The following TMEM117 variants were observed in gnomAD, a reference collection of about 807,000 sequenced individuals.
TMEM117 encodes the protein transmembrane protein 117.
TMEM117 carries 27 observed loss-of-function variants against 52.4 expected under a neutral mutation model. The ratio of observed to expected loss-of-function variants is 0.51; its 90% CI spans 0.38 to 0.71. The LOEUF is 0.71. Among genes scored for constraint, TMEM117 ranks in the 30% least tolerant of loss-of-function variants. The probability of loss-of-function intolerance (pLI) is 0.00; values close to 1 mark genes in which losing one functional copy is unlikely to be tolerated. For missense variants in TMEM117, 556 were observed against 630.5 expected (o/e 0.88, Z 1.26); for synonymous variants, 215 against 206.3 (o/e 1.04, Z -0.36).
chr12:43,920,272 T>TC (rs1158354630), intron 2 of TMEM117, among the ~76,000 whole-genome samples: 1 of 152,162 alleles, frequency 6.6e-6, no homozygotes, highest in Non-Finnish European at 1.5e-5. Context: ...ACGCCTATAA[T>TC]CCCAGCACTT....
chr12:44,135,526 A>G (rs1243275976), intron 3 of TMEM117, among the ~76,000 whole-genome samples: 1 of 152,202 alleles, frequency 6.6e-6, no homozygotes, highest in Non-Finnish European at 1.5e-5. Flanking sequence ...GGAGCCTAAA[A>G]TTGTTTCAAC....
chr12:44,382,729 G>A (rs1035942068), intron 7 of TMEM117, among the ~76,000 whole-genome samples: 4 of 152,212 alleles, frequency 2.6e-5, no homozygotes, highest in Admixed American at 2.6e-4. Flanking sequence ...GACAAGAGAG[G>A]CACTTTGAGA....
intron 3 of TMEM117, among the ~76,000 whole-genome samples, chr12:44,131,013 T>C (rs1238226592): frequency 6.6e-6 from 1 of 152,166 alleles, no homozygotes; most frequent in Non-Finnish European, 1.5e-5. Context: ...TCTTTACTGC[T>C]TATTTAATTG....
At chr12:44,295,277 C>T (rs1950753781) in intron 5 of TMEM117, among the ~76,000 whole-genome samples, 1 of 152,148 alleles carries the variant, frequency 6.6e-6, no homozygotes, top group African/African-American at 2.4e-5. Flanking sequence ...GATCTTGGCT[C>T]ACTGCAACCT....
intron 3 of TMEM117, among the ~76,000 whole-genome samples, chr12:44,000,692 C>A (rs954286620): frequency 6.6e-6 from 1 of 152,150 alleles, no homozygotes; most frequent in Non-Finnish European, 1.5e-5. Context: ...TAAGAGTGTT[C>A]AGAGAAAATT....
At chr12:44,101,870 A>G (rs1947866584) in intron 3 of TMEM117, among the ~76,000 whole-genome samples, 1 of 152,010 alleles carries the variant, frequency 6.6e-6, no homozygotes, top group African/African-American at 2.4e-5. Context: ...TTTTTGATAC[A>G]GCAAGGGTAA....
chr12:43,993,841 T>C (rs1230720026), intron 3 of TMEM117, among the ~76,000 whole-genome samples: 1 of 152,074 alleles, frequency 6.6e-6, no homozygotes, highest in Non-Finnish European at 1.5e-5. Context: ...ACTACAGGCA[T>C]GTGCCACCCT....
chr12:44,084,919 C>T (rs1181148678), intron 3 of TMEM117, among the ~76,000 whole-genome samples: 1 of 152,144 alleles, frequency 6.6e-6, no homozygotes, highest in Non-Finnish European at 1.5e-5. Context: ...GAGAGGACTT[C>T]CCTGAAACGC....
At position 44,034,362 on chromosome 12, in the gene TMEM117, G is replaced by A. The variant is rs888597757; in HGVS notation, c.410+90020G>A. 5.3e-5 allele frequency among the ~76,000 whole-genome samples: 8 copies of A among 152,284 alleles called. 1 individual carries two copies. In the South Asian group the frequency reaches 1.2e-3, roughly 24 times the overall value. Reference sequence around the variant, plus strand: ...TCTATCCTCGGGTTCTTATGGCCTCGTAGGGAAATCAGTAACATTTATCTT... The same window carrying A: ...TCTATCCTCGGGTTCTTATGGCCTCATAGGGAAATCAGTAACATTTATCTT... On this transcript the variant is annotated intron_variant, in intron 3 of 7. Coordinates refer to ENST00000266534, the MANE Select transcript of TMEM117 (RefSeq NM_032256.3).
intron 2 of TMEM117, among the ~76,000 whole-genome samples, chr12:43,865,504 C>G (rs1943576210): frequency 6.6e-6 from 1 of 151,982 alleles, no homozygotes; most frequent in South Asian, 2.1e-4. Context: ...TGAGACCAGC[C>G]TGGCCAGCAT....
chr12:43,826,737 G>A, the TMEM117 span, among the ~76,000 whole-genome samples: 1 of 152,148 alleles, frequency 6.6e-6, no homozygotes, highest in South Asian at 2.1e-4. Flanking sequence ...GTGTAAGAGA[G>A]GAGTAAGAGA....
intron 4 of TMEM117, among the ~76,000 whole-genome samples, chr12:44,172,183 CT>C (rs1290334688): frequency 1.3e-5 from 2 of 152,154 alleles, no homozygotes; most frequent in African/African-American, 4.8e-5. Flanking sequence ...CTGTTATTTA[CT>C]GTCTATATTA....
chr12:44,071,705 C>T (rs569958912), intron 3 of TMEM117, among the ~76,000 whole-genome samples: 184 of 152,092 alleles, frequency 1.2e-3, no homozygotes, highest in African/African-American at 4.3e-3. Context: ...AAATGAGGAG[C>T]GGTGATGAAA....
chr12:44,335,878 CACTA>C, intron 6 of TMEM117, among the ~76,000 whole-genome samples: 1 of 152,070 alleles, frequency 6.6e-6, no homozygotes, highest in East Asian at 1.9e-4. Context: ...CAATTCTTGC[CACTA>C]AAACTACATA....
At chr12:43,938,999 CAAAATAAAAAAA>C (rs1945000003) in intron 2 of TMEM117, among the ~76,000 whole-genome samples, 1 of 124,294 alleles carries the variant, frequency 8.0e-6, no homozygotes, top group Non-Finnish European at 1.6e-5. Context: ...GACTCCGTCT[CAAAATAAAAAAA>C]AAAATAAAAA....
intron 3 of TMEM117, among the ~76,000 whole-genome samples, chr12:44,091,806 G>T (rs1456702069): frequency 6.6e-6 from 1 of 152,168 alleles, no homozygotes; most frequent in Non-Finnish European, 1.5e-5. Flanking sequence ...AAAACTGCAT[G>T]TTTCTAGTTG....
chr12:44,098,270 T>C (rs996960186), intron 3 of TMEM117, among the ~76,000 whole-genome samples: 41 of 151,834 alleles, frequency 2.7e-4, no homozygotes, highest in African/African-American at 9.0e-4. Context: ...GTCATAGAGG[T>C]CAGTGATGGC....
At chr12:44,207,312 T>C (rs1163049398) in intron 4 of TMEM117, among the ~76,000 whole-genome samples, 2 of 152,182 alleles carry the variant, frequency 1.3e-5, no homozygotes, top group Non-Finnish European at 2.9e-5. Context: ...CATACAACTA[T>C]ATCAAATATG....
chr12:43,863,307 G>C (rs1943523066), intron 2 of TMEM117, among the ~76,000 whole-genome samples: 1 of 152,116 alleles, frequency 6.6e-6, no homozygotes, highest in Non-Finnish European at 1.5e-5. Flanking sequence ...AGTTAATGGA[G>C]CCTAAAGAGT....
Sources: gnomAD v4.1 joint callset for allele counts (sites outside exome capture counted in the v4.1 genomes callset) on GRCh38, gnomAD v4.1.1 for gene constraint, MANE v1.5 for transcripts, NCBI Gene and HGNC (gene_info 2026-07-23, HGNC 2026-07-21) for gene names.